NUP210L: variants seen among roughly 807,000 people sequenced by gnomAD.
NUP210L encodes the protein nucleoporin 210 like, also known as nuclear pore membrane glycoprotein 210-like.
NUP210L carries 74 observed loss-of-function variants against 208.5 expected under a neutral mutation model. The ratio of observed to expected loss-of-function variants is 0.35; its 90% CI spans 0.29 to 0.43. The LOEUF is 0.43. Among genes scored for constraint, NUP210L ranks in the 20% least tolerant of loss-of-function variants. The pLI, the probability that NUP210L is intolerant of heterozygous loss-of-function variation, is 1.00. For missense variants in NUP210L, 1,843 were observed against 2,289.4 expected (o/e 0.81, Z 3.98); for synonymous variants, 780 against 816.9 (o/e 0.95, Z 0.77).
chr1:154,057,690 ATGTGTGTGTGTGTG>A lies in NUP210L; in HGVS notation c.3107+385_3107+398del, dbSNP rs4060104. Among the ~76,000 whole-genome samples, 415 of 125,478 alleles carry A rather than the reference ATGTGTGTGTGTGTG, an allele frequency of 3.3e-3. 2 individuals carry two copies. Among genetic ancestry groups the A allele is most frequent in the African/African-American group, 0.012 (394 of 33,868 alleles). 82.3% of individuals were successfully genotyped at this position (125,478 alleles called of 152,430 possible). Reference sequence around the variant, plus strand: ...CAAACAAGGCATCTGAGGACCTCGAATGTGTGTGTGTGTGTGTGTGTGTGTGTGTGTGTGTGTGT... The same window carrying A: ...CAAACAAGGCATCTGAGGACCTCGAATGTGTGTGTGTGTGTGTGTGTGTGT... On this transcript the variant is annotated intron_variant, in intron 22 of 39. Coordinates refer to ENST00000368559, the Ensembl canonical transcript of NUP210L.
At chr1:154,068,617 T>C (rs1654535662) in intron 17 of NUP210L, among the ~76,000 whole-genome samples, 9 of 152,060 alleles carry the variant, frequency 5.9e-5, no homozygotes, top group Admixed American at 5.9e-4. Context: ...GAGGTGGAGC[T>C]TGCAGTGAGC....
At chr1:154,071,089 T>C (rs1158728812) in intron 16 of NUP210L, among the ~76,000 whole-genome samples, 1 of 150,080 alleles carries the variant, frequency 6.7e-6, no homozygotes, top group Non-Finnish European at 1.5e-5. Context: ...TGTTTTGTTT[T>C]GTTTTTTGTT....
intron 33 of NUP210L, among the ~76,000 whole-genome samples, chr1:154,015,591 G>A (rs1557915298): frequency 2.0e-5 from 3 of 151,826 alleles, no homozygotes; most frequent in Non-Finnish European, 4.4e-5. Flanking sequence ...GTGGTGGCAG[G>A]TGCCTGTAAT....
intron 16 of NUP210L, among the ~76,000 whole-genome samples, chr1:154,088,854 T>C (rs937607309): frequency 6.6e-6 from 1 of 152,214 alleles, no homozygotes; most frequent in African/African-American, 2.4e-5. Flanking sequence ...GTTTATTATA[T>C]AATATGATGT....
At chr1:154,096,751 C>G (rs1169559183) in intron 14 of NUP210L, among the ~76,000 whole-genome samples, 1 of 147,334 alleles carries the variant, frequency 6.8e-6, no homozygotes, top group East Asian at 2.0e-4. Context: ...AAAACTTGGT[C>G]TCAGGAAAAA....
intron 27 of NUP210L, among the ~76,000 whole-genome samples, chr1:154,039,754 T>C (rs1392361747): frequency 1.3e-5 from 2 of 152,118 alleles, no homozygotes; most frequent in Admixed American, 6.5e-5. Flanking sequence ...CCTTTGGGAG[T>C]TTGATTATTG....
chr1:154,141,374 C>G, intron 4 of NUP210L, 57 bp downstream of exon 4: 1 of 1,102,068 alleles, frequency 9.1e-7, no homozygotes, highest in South Asian at 1.2e-5. Context: ...CAGCATGCCG[C>G]TTAATGGCAG....
intron 17 of NUP210L, among the ~76,000 whole-genome samples, chr1:154,063,052 G>A (rs1252789217): frequency 1.3e-5 from 2 of 152,114 alleles, no homozygotes; most frequent in African/African-American, 4.8e-5. Flanking sequence ...GCTATGTTAG[G>A]TAATTAGAAT....
chr1:154,146,818 CTTTA>C (rs1169572473), intron 2 of NUP210L, among the ~76,000 whole-genome samples: 1 of 151,990 alleles, frequency 6.6e-6, no homozygotes, highest in Non-Finnish European at 1.5e-5. Flanking sequence ...CTTCTCCTTC[CTTTA>C]TTTTTGTTTT....
intron 33 of NUP210L, 88 bp from the exon 34 acceptor site, chr1:154,012,458 A>G: frequency 7.8e-7 from 1 of 1,277,316 alleles, no homozygotes; most frequent in South Asian, 1.4e-5. Flanking sequence ...TATTTAACCA[A>G]AAGTATCTGT....
intron 14 of NUP210L, among the ~76,000 whole-genome samples, chr1:154,099,748 A>G (rs1374324710): frequency 6.6e-6 from 1 of 152,260 alleles, no homozygotes; most frequent in East Asian, 1.9e-4. Flanking sequence ...AAAAAAGAAG[A>G]AAGGAGAATA....
rs545683882 is a variant in NUP210L, at chr1:154,114,015, C to T, written c.1620+3710G>A. 1.0e-4 allele frequency among the ~76,000 whole-genome samples: 15 copies of T among 150,614 alleles called. 1 individual carries two copies. Among genetic ancestry groups the T allele is most frequent in the South Asian group, 2.1e-4 (1 of 4,726 alleles). Reference sequence around the variant, plus strand: ...AAAATTAGCTGGGCGTGGTAGTGGGCGCCTGTAATCCCAGCTACTCGGGAG... The same window carrying T: ...AAAATTAGCTGGGCGTGGTAGTGGGTGCCTGTAATCCCAGCTACTCGGGAG... On this transcript the variant is annotated intron_variant, in intron 12 of 39. Coordinates refer to ENST00000368559, the Ensembl canonical transcript of NUP210L.
chr1:154,060,591 A>G, exon 20 of NUP210L: 1 of 1,613,752 alleles, frequency 6.2e-7, no homozygotes, highest in Non-Finnish European at 8.5e-7. Flanking sequence ...CACCCTGCTC[A>G]CTGCTGTTGA....
chr1:154,130,581 T>G (rs1335872431), intron 7 of NUP210L, among the ~76,000 whole-genome samples: 1 of 143,832 alleles, frequency 7.0e-6, no homozygotes, highest in Non-Finnish European at 1.5e-5. Context: ...CCCCAATTTT[T>G]TTTTTTTTTT....
chr1:154,094,711 T>C (rs1656099395), intron 15 of NUP210L, among the ~76,000 whole-genome samples: 1 of 152,172 alleles, frequency 6.6e-6, no homozygotes, highest in African/African-American at 2.4e-5. Context: ...AAAGATCTTG[T>C]TTAGTTCGTG....
At chr1:154,101,395 T>C (rs2148064600) in intron 13 of NUP210L, among the ~76,000 whole-genome samples, 1 of 152,144 alleles carries the variant, frequency 6.6e-6, no homozygotes, top group South Asian at 2.1e-4. Flanking sequence ...GAGAATTGCT[T>C]GAACCCCGGA....
chr1:154,001,074 T>TA lies in NUP210L; in HGVS notation c.5182-15dup, dbSNP rs756544991. The TA allele has an allele frequency of 3.6e-5, 58 of 1,605,952 alleles. 1 individual carries two copies. In the South Asian group the frequency reaches 6.4e-4, roughly 18 times the overall value. Reference sequence around the variant, plus strand: ...GCTGGAGATGACCTTGGAGAAAAGATAAAACCTTTTATTTAAAAGAAGAAA... The same window carrying TA: ...GCTGGAGATGACCTTGGAGAAAAGATAAAAACCTTTTATTTAAAAGAAGAAA... On this transcript the variant is annotated splice_polypyrimidine_tract_variant and intron_variant, in intron 36 of 39. Coordinates refer to ENST00000368559, the Ensembl canonical transcript of NUP210L.
At chr1:154,044,484 T>G (rs1264953925) in intron 27 of NUP210L, among the ~76,000 whole-genome samples, 2 of 152,054 alleles carry the variant, frequency 1.3e-5, no homozygotes, top group African/African-American at 2.4e-5. Context: ...TACAGTTCCA[T>G]TCTTCCACAA....
rs1053286731 is a variant in NUP210L at position 154,099,894 on chromosome 1, G to A, written c.1965+104C>T. 2.1e-5 allele frequency: 24 copies of A among 1,148,798 alleles called. No individual in the cohort carries two copies. In the African/African-American group the frequency reaches 2.8e-4, roughly 13 times the overall value. 71.2% of individuals were successfully genotyped at this position (1,148,798 alleles called of 1,614,324 possible). On this transcript the variant is annotated intron_variant, in intron 14 of 39. Transcript: ENST00000368559. ...AGTGGCAAGTAAAGAGAACATAAATGTCATTGATCCTTAGTGGGGACCACA... is the reference window on the plus strand; with the variant it reads ...AGTGGCAAGTAAAGAGAACATAAATATCATTGATCCTTAGTGGGGACCACA...
Sources: gnomAD v4.1 joint callset for allele counts (sites outside exome capture counted in the v4.1 genomes callset) on GRCh38, gnomAD v4.1.1 for gene constraint, MANE v1.5 for transcripts, NCBI Gene and HGNC (gene_info 2026-07-23, HGNC 2026-07-21) for gene names.